Variants in IDS observed in about 807,000 individuals in gnomAD.
IDS encodes the protein alpha-L-iduronate sulfate sulfatase.
In IDS, 1 loss-of-function variant was observed where a neutral mutation model predicts 33.5. That is an observed-to-expected ratio of 0.03 (90% CI 0.01 to 0.14). The LOEUF (loss-of-function observed/expected upper bound fraction) is 0.14, where lower values mean the gene tolerates loss of function less well. Ranked by LOEUF, IDS falls within the 10% of genes least tolerant of loss-of-function variation. IDS has a pLI of 1.00. For synonymous variants in IDS, 191 were observed against 184.4 expected, an observed-to-expected ratio of 1.04 and a Z score of -0.29; for missense variants, 328 against 448.0, an observed-to-expected ratio of 0.73 and a Z score of 2.42.
intron 8 of IDS, among the ~76,000 whole-genome samples, chrX:149,485,079 G>C (rs936555870): frequency 8.9e-5 from 10 of 112,011 alleles, no homozygotes; most frequent in Non-Finnish European, 1.5e-4. Flanking sequence ...TCCAGGCTGT[G>C]GGACACTGTT....
intron 4 of IDS, among the ~76,000 whole-genome samples, chrX:149,499,514 C>G (rs2089462877): frequency 9.0e-6 from 1 of 110,847 alleles, no homozygotes; most frequent in Non-Finnish European, 1.9e-5. Context: ...TCCATGGAGA[C>G]CAAAAATAGT....
At chrX:149,500,044 C>T (rs1488419303) in intron 4 of IDS, among the ~76,000 whole-genome samples, 2 of 111,663 alleles carry the variant, frequency 1.8e-5, no homozygotes, top group Non-Finnish European at 3.8e-5. Context: ...GCCCAGCACC[C>T]GCCTCAGACC....
intron 8 of IDS, among the ~76,000 whole-genome samples, chrX:149,485,580 G>C (rs782179342): frequency 2.7e-5 from 3 of 112,249 alleles, no homozygotes; most frequent in Non-Finnish European, 5.6e-5. Flanking sequence ...TCCAGCTTTG[G>C]ATATGTTAGG....
intron 4 of IDS, among the ~76,000 whole-genome samples, chrX:149,500,653 T>C (rs1264588904): frequency 8.9e-6 from 1 of 111,943 alleles, no homozygotes; most frequent in Non-Finnish European, 1.9e-5. Flanking sequence ...CAGCATCTCC[T>C]ACAACTCTCA....
chrX:149,501,470 A>G (rs1285401050), intron 3 of IDS, among the ~76,000 whole-genome samples: 1 of 112,543 alleles, frequency 8.9e-6, no homozygotes, highest in Non-Finnish European at 1.9e-5. Flanking sequence ...TTGTTTTAGA[A>G]TTCCAAGTTC....
chrX:149,496,657 C>T (rs1382185657), intron 5 of IDS, 141 bp from the exon 6 acceptor site: 27 of 579,522 alleles, frequency 4.7e-5, no homozygotes, highest in East Asian at 2.4e-4. Flanking sequence ...CCCACGTGCT[C>T]GGCCCTGACC....
intron 7 of IDS, among the ~76,000 whole-genome samples, chrX:149,489,794 T>A (rs1403297698): frequency 9.0e-6 from 1 of 111,035 alleles, no homozygotes; most frequent in African/African-American, 3.3e-5. Flanking sequence ...TTGAAGAATT[T>A]AAAAAATGCT....
chrX:149,497,107 C>T (rs961404760), intron 5 of IDS, among the ~76,000 whole-genome samples: 1 of 111,528 alleles, frequency 9.0e-6, no homozygotes, highest in African/African-American at 3.3e-5. Flanking sequence ...GCCTCATTAT[C>T]CAGTTTTTAT....
At chrX:149,485,161 C>T (rs1046515198) in intron 8 of IDS, among the ~76,000 whole-genome samples, 2 of 112,045 alleles carry the variant, frequency 1.8e-5, no homozygotes, top group Admixed American at 1.9e-4. Context: ...CATGTAAGGC[C>T]ACTGTGACGA....
At chrX:149,503,122 A>C (rs1409851286) in intron 3 of IDS, 190 bp downstream of exon 3, 1 of 1,148,889 alleles carries the variant, frequency 8.7e-7, no homozygotes, top group Non-Finnish European at 1.2e-6. Context: ...AGCTCTTTCT[A>C]CCCTTTTTCA....
chrX:149,487,369 T>C, intron 7 of IDS: 1 of 874,531 alleles, frequency 1.1e-6, no homozygotes, highest in Non-Finnish European at 1.7e-6. Flanking sequence ...AACAAACTAC[T>C]AGCAACATAT....
rs142248439 is a variant in IDS at position 149,482,909 on chromosome X, T to C, written c.1490A>G (p.Tyr497Cys). The C allele has an allele frequency of 5.5e-5, 67 of 1,209,886 alleles. No individual in the cohort carries two copies. In the African/African-American group the frequency reaches 5.9e-4, roughly 11 times the overall value. Residue 497 changes from tyrosine (Y) to cysteine (C), a missense_variant, in exon 9 of 9, where the codon TAT becomes TGT. Physicochemically the swap from Tyr to Cys is radical, Grantham distance 194. This residue lies in a region of IDS where 265 missense variants were observed against 339.2 expected (regional missense o/e 0.78). Coordinates refer to ENST00000340855, the MANE Select transcript of IDS (RefSeq NM_000202.8). The stretch of plus-strand genomic sequence containing the variant: ...GAAGCCAACCCACACAGTATACCTA[T>C]AGTCTATGGTGCGTATGGAATAGCC... ...IMGYSIRTIDYRYTVWVGFNP... is the reference protein window; with the variant it reads ...IMGYSIRTIDCRYTVWVGFNP...
chrX:149,481,559 C>T lies in IDS; in HGVS notation c.*1187G>A, dbSNP rs1338551726. 8.9e-6 allele frequency: 1 copy of T among 111,873 alleles called. No homozygotes were observed. Among genetic ancestry groups the T allele is most frequent in the Non-Finnish European group, 1.9e-5 (1 of 53,156 alleles). The allele number at this position is 111,873 out of a possible 1,213,427, so 9.2% of individuals were successfully genotyped here. A position where few individuals can be genotyped will look rare whatever the true frequency, so the allele number is the denominator to read the frequency against. ...AGATATTTAATATTTATTTAGAAAG[C>T]TATTGACACTTCTGATGACTACTGA... On this transcript the variant is annotated 3_prime_UTR_variant, in exon 9 of 9. Coordinates refer to ENST00000340855, the MANE Select transcript of IDS (RefSeq NM_000202.8).
chrX:149,492,542 G>A (rs966292520), intron 6 of IDS, among the ~76,000 whole-genome samples: 5 of 111,056 alleles, frequency 4.5e-5, no homozygotes, highest in African/African-American at 6.6e-5. Context: ...AGTTAGGTCC[G>A]GGCCAGATAA....
intron 5 of IDS, 99 bp downstream of exon 5, chrX:149,498,008 G>A (rs782751408): frequency 3.4e-5 from 25 of 726,904 alleles, no homozygotes; most frequent in Admixed American, 1.6e-4. Context: ...GGTGCCTGGC[G>A]ATGGCAGGAT....
At chrX:149,500,221 T>C (rs998635528) in intron 4 of IDS, among the ~76,000 whole-genome samples, 69 of 112,016 alleles carry the variant, frequency 6.2e-4, no homozygotes, top group African/African-American at 2.1e-3. Context: ...GGAATTAAGA[T>C]GGGATCTTCC....
chrX:149,486,604 G>A (rs1249888042), intron 8 of IDS, among the ~76,000 whole-genome samples: 1 of 112,102 alleles, frequency 8.9e-6, no homozygotes, highest in Non-Finnish European at 1.9e-5. Flanking sequence ...TCTAAGCTCT[G>A]GAGCAGGCTC....
At chrX:149,484,299 C>T (rs1557337781) in intron 8 of IDS, among the ~76,000 whole-genome samples, 1 of 112,523 alleles carries the variant, frequency 8.9e-6, no homozygotes, top group Admixed American at 9.4e-5. Context: ...TCCATATAAT[C>T]ACTAACACTC....
rs1557337572 is a variant in IDS, at chrX:149,482,803, A to G, written c.1596T>C (p.Asp532=). The G allele has an allele frequency of 8.3e-7, 1 of 1,212,021 alleles. No homozygotes were observed. The highest frequency in any genetic ancestry group is 1.7e-5 in the African/African-American group (1 of 57,850). ...LYFVDSDPLQ[D]HNMYNDSQGG... ...CTTGGGAATCATTATACATATTGTG[A>G]TCCTGCAATGGGTCAGAATCCACAA... is the stretch of plus-strand genomic sequence containing the variant. Residue 532 remains aspartate (D), a synonymous_variant, in exon 9 of 9, where the codon GAT becomes GAC. Transcript: ENST00000340855.
Sources: gnomAD v4.1 joint callset for allele counts (sites outside exome capture counted in the v4.1 genomes callset) on GRCh38, gnomAD v4.1.1 for gene constraint, gnomAD v4.1.1 regional missense constraint, MANE v1.5 for transcripts, NCBI Gene and HGNC (gene_info 2026-07-23, HGNC 2026-07-21) for gene names.